The following FHIP1A variants were observed in gnomAD, a reference collection of about 807,000 sequenced individuals.
FHIP1A encodes FHF complex subunit HOOK-interacting protein 1A.
FHIP1A carries 61 observed loss-of-function variants against 88.6 expected under a neutral mutation model. That is an observed-to-expected ratio of 0.69 (90% confidence interval 0.56 to 0.85). FHIP1A has a LOEUF of 0.85. FHIP1A is among the 40% of genes least tolerant of loss of function. FHIP1A has a pLI of 0.00. For missense variants in FHIP1A, 1,154 were observed against 1,273.5 expected, an observed-to-expected ratio of 0.91 and a Z score of 1.43; for synonymous variants, 478 against 496.0, an observed-to-expected ratio of 0.96 and a Z score of 0.48.
chr4:151,653,855 G>A (rs1737126750), intron 11 of FHIP1A, among the ~76,000 whole-genome samples: 1 of 152,128 alleles, frequency 6.6e-6, no homozygotes, highest in Non-Finnish European at 1.5e-5. Flanking sequence ...GAACGGGAGA[G>A]CGGTGAGTGG....
intron 5 of FHIP1A, among the ~76,000 whole-genome samples, chr4:151,584,275 G>A (rs1311486817): frequency 6.6e-6 from 1 of 152,104 alleles, no homozygotes; most frequent in Non-Finnish European, 1.5e-5. Context: ...TACCTCCAGT[G>A]TGGACTTGAA....
At chr4:151,614,251 T>C (rs1050545530) in intron 7 of FHIP1A, among the ~76,000 whole-genome samples, 1 of 152,002 alleles carries the variant, frequency 6.6e-6, no homozygotes, top group African/African-American at 2.4e-5. Context: ...GGAGGATTGC[T>C]TGAGCCAAGG....
rs1170512409 is a variant in FHIP1A at position 151,577,996 on chromosome 4, G to A, written c.652G>A (p.Ala218Thr). 1.3e-6 allele frequency: 2 copies of A among 1,550,946 alleles called. No individual in the cohort carries two copies. The highest frequency in any genetic ancestry group is 2.4e-5 in the South Asian group (2 of 84,030). The change falls in exon 5 of 14, where the codon GCA (alanine) becomes ACA (threonine). Residue 218 changes from alanine to threonine, a missense_variant. Ala to Thr is a moderately conservative substitution (Grantham distance 58). Transcript: ENST00000435205. ...GTCAGTAGGCCAGCAAGCTCGGGAT[G>A]CATTGCTCTTCATCATGTCTCTTTC... ...EGSVGQQARD[A>T]LLFIMSLSAE...
intron 1 of FHIP1A, among the ~76,000 whole-genome samples, chr4:151,449,149 T>A (rs1170281935): frequency 6.6e-6 from 1 of 152,216 alleles, no homozygotes; most frequent in Non-Finnish European, 1.5e-5. Flanking sequence ...TGATACATAG[T>A]AAGCTCAAAA....
At chr4:151,545,638 A>G (rs1732473974) in intron 3 of FHIP1A, among the ~76,000 whole-genome samples, 1 of 151,826 alleles carries the variant, frequency 6.6e-6, no homozygotes, top group African/African-American at 2.4e-5. Context: ...CAGCCTCCCA[A>G]AGTGCTGGGA....
intron 13 of FHIP1A, among the ~76,000 whole-genome samples, chr4:151,661,408 G>GT (rs5862966): frequency 0.031 from 4,007 of 128,552 alleles, 87 homozygotes; most frequent in African/African-American, 0.067. Context: ...AGTGGAAGTT[G>GT]TTTTTTTTTT....
chr4:151,581,639 C>A (rs753568873), intron 5 of FHIP1A, among the ~76,000 whole-genome samples: 1 of 152,030 alleles, frequency 6.6e-6, no homozygotes, highest in Non-Finnish European at 1.5e-5. Flanking sequence ...CAGGATAGAT[C>A]CCATAATCTC....
At chr4:151,526,146 C>T (rs1731624475) in intron 3 of FHIP1A, among the ~76,000 whole-genome samples, 1 of 152,204 alleles carries the variant, frequency 6.6e-6, no homozygotes. Context: ...AAAAGTCTCC[C>T]ATGTCTACCT....
At chr4:151,508,396 G>A (rs1019896809) in intron 3 of FHIP1A, among the ~76,000 whole-genome samples, 7 of 152,138 alleles carry the variant, frequency 4.6e-5, no homozygotes, top group Non-Finnish European at 8.8e-5. Context: ...TGTCTCCTTT[G>A]GTTGCTGGTT....
At chr4:151,611,753 A>G (rs557251274) in intron 7 of FHIP1A, among the ~76,000 whole-genome samples, 185 of 152,300 alleles carry the variant, frequency 1.2e-3, no homozygotes, top group African/African-American at 4.0e-3. Context: ...ATCTGTCTCT[A>G]TGTCCTTTTT....
intron 4 of FHIP1A, among the ~76,000 whole-genome samples, chr4:151,572,519 C>CAAGTATG (rs1305322319): frequency 1.3e-5 from 2 of 152,116 alleles, no homozygotes; most frequent in Non-Finnish European, 2.9e-5. Flanking sequence ...AACAGATGCA[C>CAAGTATG]AAGGAACACT....
intron 4 of FHIP1A, among the ~76,000 whole-genome samples, chr4:151,573,896 A>G (rs1733688744): frequency 6.6e-6 from 1 of 152,234 alleles, no homozygotes; most frequent in Non-Finnish European, 1.5e-5. Flanking sequence ...AGAAACTGAA[A>G]GAACTATGAC....
rs1230724638 is a variant in FHIP1A at position 151,577,839 on chromosome 4, A to T, written c.495A>T (p.Leu165=). ...TPTVEEKLVV[L]LNQLCSILAK... Reference sequence around the variant, plus strand: ...CTGTGGAGGAGAAGCTGGTTGTCCTACTCAATCAGCTCTGTTCCATTCTTG... The same window carrying T: ...CTGTGGAGGAGAAGCTGGTTGTCCTTCTCAATCAGCTCTGTTCCATTCTTG... Residue 165 remains leucine, a synonymous_variant, in exon 5 of 14, where the codon CTA becomes CTT. Coordinates refer to ENST00000435205, the MANE Select transcript of FHIP1A (RefSeq NM_001109977.3). 5 of 1,551,762 alleles carry T rather than the reference A, an allele frequency of 3.2e-6. No individual in the cohort carries two copies. In the African/African-American group the frequency reaches 5.5e-5, roughly 17 times the overall value.
chr4:151,457,402 C>A (rs749469098), intron 2 of FHIP1A, among the ~76,000 whole-genome samples: 1 of 152,140 alleles, frequency 6.6e-6, no homozygotes, highest in Non-Finnish European at 1.5e-5. Flanking sequence ...GAGCCCTGGC[C>A]CTGGAAGTGT....
At chr4:151,535,167 G>T (rs1732020973) in intron 3 of FHIP1A, among the ~76,000 whole-genome samples, 1 of 152,150 alleles carries the variant, frequency 6.6e-6, no homozygotes, top group Admixed American at 6.6e-5. Flanking sequence ...AGTGAGCTGT[G>T]ATTGTGCCAC....
At chr4:151,574,530 T>C (rs945653129) in intron 4 of FHIP1A, among the ~76,000 whole-genome samples, 1 of 152,068 alleles carries the variant, frequency 6.6e-6, no homozygotes, top group Non-Finnish European at 1.5e-5. Flanking sequence ...ATATAAAATA[T>C]AAATACATAT....
rs1044357384 is a variant in FHIP1A at position 151,664,845 on chromosome 4, T to C, written c.*2091T>C. On this transcript the variant is annotated 3_prime_UTR_variant, in exon 14 of 14. Transcript: ENST00000435205. ...ACCTTTCTCCATTATCTGGTGGTGG[T>C]GTTGATTCTTCTTGAATCCATATTT... Among the ~76,000 whole-genome samples, 2 of 152,250 alleles carry C rather than the reference T, an allele frequency of 1.3e-5. No individual in the cohort carries two copies. Among genetic ancestry groups the C allele is most frequent in the Admixed American group, 6.5e-5 (1 of 15,290 alleles).
intron 7 of FHIP1A, among the ~76,000 whole-genome samples, chr4:151,608,171 A>G (rs184076674): frequency 4.7e-5 from 7 of 147,640 alleles, no homozygotes; most frequent in Non-Finnish European, 8.9e-5. Flanking sequence ...CAGCCTCCCA[A>G]GTAGCTGGGA....
intron 3 of FHIP1A, among the ~76,000 whole-genome samples, chr4:151,496,127 C>T (rs1363453167): frequency 2.0e-5 from 3 of 151,830 alleles, no homozygotes; most frequent in Non-Finnish European, 4.4e-5. Context: ...TTGGGATTTA[C>T]ATATTGGACA....
Sources: gnomAD v4.1 joint callset for allele counts (sites outside exome capture counted in the v4.1 genomes callset) on GRCh38, gnomAD v4.1.1 for gene constraint, MANE v1.5 for transcripts, NCBI Gene and HGNC (gene_info 2026-07-23, HGNC 2026-07-21) for gene names.